PARD3B: variants seen among roughly 807,000 people sequenced by gnomAD.
The protein encoded by PARD3B is partitioning defective 3 homolog B.
Under a neutral mutation model 130.2 loss-of-function variants are expected in PARD3B, and 103 were observed. The ratio of observed to expected loss-of-function variants is 0.79; its 90% confidence interval spans 0.67 to 0.93. The LOEUF (loss-of-function observed/expected upper bound fraction) is 0.93, where lower values mean the gene tolerates loss of function less well. Among genes scored for constraint, PARD3B ranks in the 40% least tolerant of loss-of-function variants. PARD3B has a pLI of 0.00. For synonymous variants in PARD3B, 583 were observed against 553.2 expected, an observed-to-expected ratio of 1.05 and a Z score of -0.76; for missense variants, 1,609 against 1,499.2, an observed-to-expected ratio of 1.07 and a Z score of -1.21.
At chr2:205,448,165 C>T (rs564087099) in intron 20 of PARD3B, among the ~76,000 whole-genome samples, 1 of 152,316 alleles carries the variant, frequency 6.6e-6, no homozygotes, top group Middle Eastern at 3.4e-3. Flanking sequence ...ATAATTCACA[C>T]CTTCAGCCCT....
rs1233386117 is a variant in PARD3B, at chr2:205,550,949, A to ATGTGTGTGTGTG, written c.3181-2374_3181-2373insGTGTGTGTGTGT. ...TGTGTGTGTGTGTGTGTGTATATAT[A>ATGTGTGTGTGTG]TATGTGTATATATATATATATATAT... On this transcript the variant is annotated intron_variant, in intron 21 of 22. Coordinates refer to ENST00000406610, the MANE Select transcript of PARD3B (RefSeq NM_001302769.2). The surrounding 1 kb of genome is among the most constrained non-coding windows in gnomAD (Gnocchi z 4.5). 2.7e-5 allele frequency among the ~76,000 whole-genome samples: 2 copies of ATGTGTGTGTGTG among 74,698 alleles called. No individual in the cohort carries two copies. The highest frequency in any genetic ancestry group is 6.4e-5 in the Non-Finnish European group (2 of 31,336). The allele number at this position is 74,698 out of a possible 152,430, so 49.0% of individuals were successfully genotyped here.
rs1454611990 is a variant in PARD3B, at chr2:205,562,552, G to A, written c.3260+9149G>A. On this transcript the variant is annotated intron_variant, in intron 22 of 22. Coordinates refer to ENST00000406610, the MANE Select transcript of PARD3B (RefSeq NM_001302769.2). This position sits in a 1 kb window ranked among gnomAD's most constrained non-coding sequence, Gnocchi z 5.4. Reference sequence around the variant, plus strand: ...TTGGACATGAAATCTATTAAGCTTGGTAAGCTGACTTGCATGTTTTCCCTC... The same window carrying A: ...TTGGACATGAAATCTATTAAGCTTGATAAGCTGACTTGCATGTTTTCCCTC... 1.3e-5 allele frequency among the ~76,000 whole-genome samples: 2 copies of A among 152,146 alleles called. No homozygotes were observed. The highest frequency in any genetic ancestry group is 1.3e-4 in the Admixed American group (2 of 15,280).
chr2:205,389,127 G>C (rs1254029015), intron 18 of PARD3B, among the ~76,000 whole-genome samples: 1 of 152,068 alleles, frequency 6.6e-6, no homozygotes, highest in Non-Finnish European at 1.5e-5. Context: ...AGACATTCAG[G>C]ATATAAATTT....
At chr2:205,549,879 G>T (rs1338809018) in intron 21 of PARD3B, among the ~76,000 whole-genome samples, 1 of 152,100 alleles carries the variant, frequency 6.6e-6, no homozygotes, top group Non-Finnish European at 1.5e-5. Context: ...GCATGTGTAG[G>T]GGTGGGACTA....
Position 205,183,341 on chromosome 2 carries a change from A to G in PARD3B, c.1925-2423A>G, listed in dbSNP as rs1310377969. Among the ~76,000 whole-genome samples, 1 of 152,224 alleles carries G rather than the reference A, an allele frequency of 6.6e-6. No homozygotes were observed. The highest frequency in any genetic ancestry group is 1.9e-4 in the East Asian group (1 of 5,194). On this transcript the variant is annotated intron_variant, in intron 13 of 22. Transcript: ENST00000406610. This position sits in a 1 kb window ranked among gnomAD's most constrained non-coding sequence, Gnocchi z 5.2. ...TTACATGATCACAAATACGTTCACC[A>G]TCACTGTGGAAGATGGACTGAGAGG... is the stretch of plus-strand genomic sequence containing the variant.
At chr2:205,227,551 AT>A (rs2038624045) in intron 15 of PARD3B, among the ~76,000 whole-genome samples, 1 of 151,134 alleles carries the variant, frequency 6.6e-6, no homozygotes, top group African/African-American at 2.4e-5. Context: ...TTATCTATTT[AT>A]TTTCAATCTA....
intron 18 of PARD3B, among the ~76,000 whole-genome samples, chr2:205,319,467 C>G (rs2042675004): frequency 6.6e-6 from 1 of 152,198 alleles, no homozygotes; most frequent in Non-Finnish European, 1.5e-5. Flanking sequence ...TCTTATCTGA[C>G]TTTAAAGTAT....
At chr2:204,639,502 A>G (rs1203253425) in intron 1 of PARD3B, among the ~76,000 whole-genome samples, 1 of 152,186 alleles carries the variant, frequency 6.6e-6, no homozygotes, top group Non-Finnish European at 1.5e-5. Context: ...TGGGGAATAA[A>G]TGGATGGTTG....
chr2:205,494,513 A>G (rs1039694934), intron 20 of PARD3B, among the ~76,000 whole-genome samples: 3 of 152,232 alleles, frequency 2.0e-5, no homozygotes, highest in African/African-American at 7.2e-5. Flanking sequence ...TGTTAGAGAT[A>G]TAATATTAAT....
At chr2:205,103,312 A>T (rs1295024013) in intron 4 of PARD3B, among the ~76,000 whole-genome samples, 1 of 18,812 alleles carries the variant, frequency 5.3e-5, no homozygotes, top group African/African-American at 1.1e-4. Flanking sequence ...AACATATTTT[A>T]TATTTATGTA....
intron 1 of PARD3B, among the ~76,000 whole-genome samples, chr2:204,581,459 T>A (rs1251671841): frequency 6.6e-6 from 1 of 152,232 alleles, no homozygotes; most frequent in African/African-American, 2.4e-5. Context: ...ATATGGATTT[T>A]TTTTTTATTT....
chr2:205,243,126 A>G (rs2125916078), intron 15 of PARD3B, among the ~76,000 whole-genome samples: 2 of 152,218 alleles, frequency 1.3e-5, no homozygotes, highest in Admixed American at 1.3e-4. Flanking sequence ...AGATCGTGCC[A>G]TTGCACTTTA....
intron 21 of PARD3B, among the ~76,000 whole-genome samples, chr2:205,541,347 GTTTTT>G (rs34760169): frequency 1.6e-5 from 2 of 122,198 alleles, no homozygotes; most frequent in Non-Finnish European, 3.4e-5. Flanking sequence ...CAGAAACTTT[GTTTTT>G]TTTTTTTTTT....
intron 21 of PARD3B, among the ~76,000 whole-genome samples, chr2:205,543,228 T>A (rs999987946): frequency 2.0e-5 from 3 of 152,160 alleles, no homozygotes; most frequent in African/African-American, 7.2e-5. Flanking sequence ...ACTGATACCA[T>A]GTATGAATAA....
At chr2:205,434,529 A>C (rs2047444708) in intron 19 of PARD3B, among the ~76,000 whole-genome samples, 1 of 152,218 alleles carries the variant, frequency 6.6e-6, no homozygotes, top group Non-Finnish European at 1.5e-5. Flanking sequence ...GACATATAAC[A>C]GTTTCATATT....
chr2:205,596,055 G>C (rs2054559091), intron 22 of PARD3B, among the ~76,000 whole-genome samples: 2 of 152,294 alleles, frequency 1.3e-5, no homozygotes, highest in Admixed American at 6.5e-5. Context: ...GGAACCCACA[G>C]AAGGTAGGCT....
Position 205,300,236 on chromosome 2 carries a change from GGT to G in PARD3B, c.2186-285_2186-284del, listed in dbSNP as rs2041946664. Among the ~76,000 whole-genome samples the G allele has an allele frequency of 6.6e-6, 1 of 152,044 alleles. No individual in the cohort carries two copies. Among genetic ancestry groups the G allele is most frequent in the Admixed American group, 6.6e-5 (1 of 15,262 alleles). ...ATAGCTACAGCCTTTCAAATTCATA[GGT>G]GTGTGTGTATATGCCTATAGACACA... On this transcript the variant is annotated intron_variant, in intron 16 of 22. Coordinates refer to ENST00000406610, the MANE Select transcript of PARD3B (RefSeq NM_001302769.2). The surrounding 1 kb of genome is among the most constrained non-coding windows in gnomAD (Gnocchi z 4.1).
At chr2:204,594,170 G>A (rs945430377) in intron 1 of PARD3B, among the ~76,000 whole-genome samples, 3 of 152,180 alleles carry the variant, frequency 2.0e-5, no homozygotes, top group Admixed American at 6.5e-5. Context: ...AGATGAGGTC[G>A]AATGCTAGTG....
intron 2 of PARD3B, among the ~76,000 whole-genome samples, chr2:204,746,701 T>G (rs1299745127): frequency 2.6e-5 from 4 of 152,158 alleles, no homozygotes; most frequent in African/African-American, 9.7e-5. Context: ...TATCTCATTG[T>G]GGTTTTGATT....
Sources: gnomAD v4.1 joint callset for allele counts (sites outside exome capture counted in the v4.1 genomes callset) on GRCh38, gnomAD v4.1.1 for gene constraint, Gnocchi (gnomAD v3.1) non-coding constraint, MANE v1.5 for transcripts, NCBI Gene and HGNC (gene_info 2026-07-23, HGNC 2026-07-21) for gene names.